ADAM10: variants seen among roughly 807,000 people sequenced by gnomAD.
The protein encoded by ADAM10 is disintegrin and metalloproteinase domain-containing protein 10.
In ADAM10, 17 loss-of-function variants were observed where a neutral mutation model predicts 90.1. That is an observed-to-expected ratio of 0.19 (90% CI 0.13 to 0.28). The LOEUF is 0.28. Ranked by LOEUF, ADAM10 falls within the 10% of genes least tolerant of loss-of-function variation. ADAM10 has a pLI of 1.00. For synonymous variants in ADAM10, 310 were observed against 298.6 expected (o/e 1.04, Z -0.40); for missense variants, 610 against 914.3 (o/e 0.67, Z 4.29).
intron 5 of ADAM10, among the ~76,000 whole-genome samples, chr15:58,653,357 T>C (rs1896734425): frequency 6.6e-6 from 1 of 152,178 alleles, no homozygotes; most frequent in South Asian, 2.1e-4. Context: ...ATGGATTCAC[T>C]GTACATTACT....
intron 2 of ADAM10, among the ~76,000 whole-genome samples, chr15:58,704,852 GAGT>G (rs1232525016): frequency 1.3e-5 from 2 of 152,142 alleles, no homozygotes; most frequent in Non-Finnish European, 2.9e-5. Flanking sequence ...CTAAAATTAG[GAGT>G]AGAACTCTAG....
At chr15:58,669,355 C>A (rs1200839457) in intron 4 of ADAM10, among the ~76,000 whole-genome samples, 4 of 152,102 alleles carry the variant, frequency 2.6e-5, no homozygotes, top group African/African-American at 9.7e-5. Context: ...TGATCAATGA[C>A]CAGTAAACCA....
At chr15:58,662,671 CAT>C (rs1896997046) in intron 5 of ADAM10, among the ~76,000 whole-genome samples, 1 of 152,132 alleles carries the variant, frequency 6.6e-6, no homozygotes, top group Admixed American at 6.5e-5. Context: ...GACAGTTGTT[CAT>C]TTCACAGAGT....
intron 1 of ADAM10, among the ~76,000 whole-genome samples, chr15:58,735,370 T>C (rs1397079497): frequency 6.6e-6 from 1 of 152,178 alleles, no homozygotes; most frequent in Non-Finnish European, 1.5e-5. Context: ...AATGCCAATC[T>C]TAATTCCTAA....
rs1293163662 is a variant in ADAM10, at chr15:58,625,610, G to C, written c.1360+2090C>G. On this transcript the variant is annotated intron_variant, in intron 10 of 15. Coordinates refer to ENST00000260408, the MANE Select transcript of ADAM10 (RefSeq NM_001110.4). ...AAAGAGTTTGGCAGTTTTGTACAAA[G>C]CAAAACAAGCAATTGCTATATGGTC... Among the ~76,000 whole-genome samples the C allele has an allele frequency of 2.0e-5, 3 of 152,136 alleles. No homozygotes were observed. The East Asian group carries it at 5.8e-4, about 29-fold the overall frequency.
chr15:58,723,971 C>A lies in ADAM10; in HGVS notation c.56-6244G>T, dbSNP rs147294843. ...ATTGGCCAGACGTGATGGCTCACACCTGTAATCCCAGCACTATGGGAGGCC... is the reference window on the plus strand; with the variant it reads ...ATTGGCCAGACGTGATGGCTCACACATGTAATCCCAGCACTATGGGAGGCC... On this transcript the variant is annotated intron_variant, in intron 1 of 15. Transcript: ENST00000260408. Among the ~76,000 whole-genome samples, 720 of 152,180 alleles carry A rather than the reference C, an allele frequency of 4.7e-3. 13 individuals are homozygous for A. The highest frequency in any genetic ancestry group is 0.027 in the East Asian group (141 of 5,174).
Position 58,729,505 on chromosome 15 carries a change from C to T in ADAM10, c.56-11778G>A, listed in dbSNP as rs536669790. On this transcript the variant is annotated intron_variant, in intron 1 of 15. Transcript: ENST00000260408. ...TGACTCAGGCTCTACCCCAGACTACCCCAGAGTGATCTGTATGCACATTCA... is the reference window on the plus strand; with the variant it reads ...TGACTCAGGCTCTACCCCAGACTACTCCAGAGTGATCTGTATGCACATTCA... Among the ~76,000 whole-genome samples the T allele has an allele frequency of 2.0e-5, 3 of 152,270 alleles. No homozygotes were observed. The East Asian group carries it at 5.8e-4, about 29-fold the overall frequency.
Position 58,627,903 on chromosome 15 carries a change from G to A in ADAM10, c.1177-20C>T. 6.2e-7 allele frequency: 1 copy of A among 1,611,168 alleles called. No homozygotes were observed. Among genetic ancestry groups the A allele is most frequent in the Non-Finnish European group, 8.5e-7 (1 of 1,178,844 alleles). ...ATCATGCTGTCAAAAAGAATATAAA[G>A]TTACATAAACAGGAAGTAAAATAAG... On this transcript the variant is annotated intron_variant, in intron 9 of 15. Coordinates refer to ENST00000260408, the MANE Select transcript of ADAM10 (RefSeq NM_001110.4).
chr15:58,700,243 C>T (rs781194582), intron 2 of ADAM10, among the ~76,000 whole-genome samples: 5 of 152,110 alleles, frequency 3.3e-5, no homozygotes. Flanking sequence ...ACCAAATAGG[C>T]CTAAAAGACA....
chr15:58,657,095 CT>C (rs1190275103), intron 5 of ADAM10, among the ~76,000 whole-genome samples: 10 of 152,062 alleles, frequency 6.6e-5, no homozygotes, highest in African/African-American at 1.9e-4. Context: ...TTATTTGTTT[CT>C]TTTTTCTTGC....
At chr15:58,640,351 T>C (rs1230002513) in intron 8 of ADAM10, among the ~76,000 whole-genome samples, 2 of 152,180 alleles carry the variant, frequency 1.3e-5, no homozygotes, top group African/African-American at 4.8e-5. Flanking sequence ...TTGATGAGGA[T>C]TTCTCTCCTC....
intron 2 of ADAM10, among the ~76,000 whole-genome samples, chr15:58,702,174 T>C (rs539556695): frequency 1.3e-5 from 2 of 152,282 alleles, no homozygotes; most frequent in South Asian, 2.1e-4. Context: ...GGTCATTATG[T>C]TGAGTGAACT....
At chr15:58,636,633 G>A (rs1346205836) in intron 8 of ADAM10, among the ~76,000 whole-genome samples, 5 of 152,106 alleles carry the variant, frequency 3.3e-5, no homozygotes, top group Non-Finnish European at 5.9e-5. Context: ...AAGCAACAAA[G>A]AAGTATAATG....
chr15:58,641,702 C>A (rs1299999622), intron 7 of ADAM10, among the ~76,000 whole-genome samples: 2 of 152,130 alleles, frequency 1.3e-5, no homozygotes, highest in Non-Finnish European at 2.9e-5. Context: ...TTTATTAGCC[C>A]CTGCATCCTT....
At chr15:58,647,375 C>T (rs1472752443) in intron 5 of ADAM10, among the ~76,000 whole-genome samples, 1 of 149,700 alleles carries the variant, frequency 6.7e-6, no homozygotes, top group African/African-American at 2.5e-5. Flanking sequence ...ATTCTCCTGC[C>T]TCAGCCTCCG....
chr15:58,747,730 G>A (rs1440082443), intron 1 of ADAM10: 6 of 152,032 alleles, frequency 3.9e-5, no homozygotes, highest in African/African-American at 9.7e-5. Flanking sequence ...TGCAATAAAG[G>A]ACTCTGGAAA....
At chr15:58,659,525 T>C (rs1302640105) in intron 5 of ADAM10, among the ~76,000 whole-genome samples, 1 of 152,224 alleles carries the variant, frequency 6.6e-6, no homozygotes, top group African/African-American at 2.4e-5. Context: ...AATTTTCTAA[T>C]GTTAATCAAT....
At chr15:58,717,450 C>T in intron 2 of ADAM10, 127 bp downstream of exon 2, 3 of 1,192,696 alleles carry the variant, frequency 2.5e-6, no homozygotes, top group Non-Finnish European at 3.6e-6. Context: ...TACCAAATTC[C>T]AGTGGAAATG....
chr15:58,741,328 A>G (rs1309309757), intron 1 of ADAM10, among the ~76,000 whole-genome samples: 2 of 146,276 alleles, frequency 1.4e-5, no homozygotes, highest in Non-Finnish European at 3.0e-5. Context: ...AACTTAAGTA[A>G]GAAAAAAAAG....
Sources: gnomAD v4.1 joint callset for allele counts (sites outside exome capture counted in the v4.1 genomes callset) on GRCh38, gnomAD v4.1.1 for gene constraint, MANE v1.5 for transcripts, NCBI Gene and HGNC (gene_info 2026-07-23, HGNC 2026-07-21) for gene names.